CDK14: variants seen among roughly 807,000 people sequenced by gnomAD.
CDK14 encodes the protein cyclin-dependent kinase 14.
Under a neutral mutation model 60.7 loss-of-function variants are expected in CDK14, and 34 were observed. That is an observed-to-expected ratio of 0.56 (90% CI 0.43 to 0.75). The LOEUF is 0.75. CDK14 is among the 30% of genes least tolerant of loss of function. The pLI is 0.00. For synonymous variants in CDK14, 197 were observed against 203.7 expected, an observed-to-expected ratio of 0.97 and a Z score of 0.28; for missense variants, 482 against 564.1, an observed-to-expected ratio of 0.85 and a Z score of 1.47.
intron 14 of CDK14, among the ~76,000 whole-genome samples, chr7:91,205,851 C>T (rs577648138): frequency 3.0e-4 from 45 of 151,742 alleles, no homozygotes; most frequent in African/African-American, 4.4e-4. Context: ...GCTGGGGTGC[C>T]GTGGCACAAT....
At chr7:91,164,781 C>T (rs566007344) in intron 14 of CDK14, among the ~76,000 whole-genome samples, 1 of 152,206 alleles carries the variant, frequency 6.6e-6, no homozygotes, top group Non-Finnish European at 1.5e-5. Context: ...CCTGCCTGCT[C>T]TACACTGCCT....
At chr7:90,871,546 T>C (rs1234050060) in intron 6 of CDK14, among the ~76,000 whole-genome samples, 2 of 152,304 alleles carry the variant, frequency 1.3e-5, no homozygotes, top group Non-Finnish European at 1.5e-5. Context: ...GCTTAATTCT[T>C]AGAAGAATGC....
intron 2 of CDK14, among the ~76,000 whole-genome samples, chr7:90,617,786 C>A (rs1366333345): frequency 6.6e-6 from 1 of 152,014 alleles, no homozygotes; most frequent in East Asian, 1.9e-4. Context: ...AAACTTGATC[C>A]TTCGGGTAGT....
At chr7:90,943,339 T>C (rs1185154397) in intron 8 of CDK14, among the ~76,000 whole-genome samples, 1 of 152,142 alleles carries the variant, frequency 6.6e-6, no homozygotes, top group Non-Finnish European at 1.5e-5. Context: ...TTTGTATAGC[T>C]AGAGAGGTAA....
intron 14 of CDK14, among the ~76,000 whole-genome samples, chr7:91,167,336 A>G (rs1272165233): frequency 2.0e-5 from 3 of 152,224 alleles, no homozygotes; most frequent in Non-Finnish European, 2.9e-5. Flanking sequence ...GCCTTATTAT[A>G]TGACGTCTTT....
chr7:91,109,258 AT>A (rs1799406030), intron 12 of CDK14, among the ~76,000 whole-genome samples: 1 of 152,140 alleles, frequency 6.6e-6, no homozygotes, highest in African/African-American at 2.4e-5. Context: ...TTATTATACA[AT>A]CAGTGAAATG....
Position 91,176,548 on chromosome 7 carries a change from T to C in CDK14, c.*29-30617T>C, listed in dbSNP as rs1278944466. On this transcript the variant is annotated intron_variant, in intron 14 of 14. Coordinates refer to ENST00000380050, the MANE Select transcript of CDK14 (RefSeq NM_001287135.2). ...GGTTTTTTGAAAGGATCAACAAAAT[T>C]GATAGACTGCTAGCAAGACTAATAA... 5.9e-5 allele frequency among the ~76,000 whole-genome samples: 9 copies of C among 151,764 alleles called. No individual in the cohort carries two copies. In the East Asian group the frequency reaches 1.7e-3, roughly 29 times the overall value.
At chr7:91,066,919 C>T (rs529785404) in intron 11 of CDK14, among the ~76,000 whole-genome samples, 5 of 152,270 alleles carry the variant, frequency 3.3e-5, no homozygotes, top group Admixed American at 1.3e-4. Context: ...AATCAGCCTG[C>T]AGGTTCAAAT....
At chr7:91,111,567 T>C (rs181005527) in intron 12 of CDK14, among the ~76,000 whole-genome samples, 1 of 152,266 alleles carries the variant, frequency 6.6e-6, no homozygotes, top group East Asian at 1.9e-4. Context: ...TCTGGATGGA[T>C]TGGAATCTCC....
intron 3 of CDK14, among the ~76,000 whole-genome samples, chr7:90,731,040 G>A (rs912764021): frequency 6.6e-5 from 10 of 152,180 alleles, no homozygotes; most frequent in African/African-American, 1.7e-4. Flanking sequence ...TAAGGTGTAA[G>A]CAAGGGATCC....
chr7:90,756,950 T>C (rs969866724), intron 4 of CDK14, among the ~76,000 whole-genome samples: 1 of 152,184 alleles, frequency 6.6e-6, no homozygotes, highest in Non-Finnish European at 1.5e-5. Context: ...TACCATAAGC[T>C]TCATTGTATT....
intron 4 of CDK14, among the ~76,000 whole-genome samples, chr7:90,754,474 T>G (rs1448517158): frequency 6.6e-6 from 1 of 152,144 alleles, no homozygotes; most frequent in Non-Finnish European, 1.5e-5. Flanking sequence ...TATATAAAAA[T>G]TAACTCAAGA....
intron 14 of CDK14, among the ~76,000 whole-genome samples, chr7:91,206,186 A>C (rs373335235): frequency 6.6e-6 from 1 of 152,208 alleles, no homozygotes; most frequent in East Asian, 1.9e-4. Context: ...GATGTCCTTG[A>C]TGCCACAGCC....
intron 14 of CDK14, among the ~76,000 whole-genome samples, chr7:91,128,307 A>C (rs1430850501): frequency 1.3e-5 from 2 of 152,148 alleles, no homozygotes; most frequent in African/African-American, 4.8e-5. Context: ...TCCATTCTGT[A>C]TTCAGCATAA....
rs556964620 is a variant in CDK14 at position 91,078,735 on chromosome 7, G to A, written c.1106-697G>A. On this transcript the variant is annotated intron_variant, in intron 11 of 14. Transcript: ENST00000380050. ...CAAAAAATCAATGGTATATATGTTCGTACATAAGGATGGGTGTATTTCATA... is the reference window on the plus strand; with the variant it reads ...CAAAAAATCAATGGTATATATGTTCATACATAAGGATGGGTGTATTTCATA... Among the ~76,000 whole-genome samples, 14 of 152,232 alleles carry A rather than the reference G, an allele frequency of 9.2e-5. No homozygotes were observed. In the South Asian group the frequency reaches 2.7e-3, roughly 29 times the overall value.
In CDK14 at chr7:90,735,979, T is replaced by A. The variant is rs1200676563; in HGVS notation, c.369+9167T>A. 2.0e-5 allele frequency among the ~76,000 whole-genome samples: 3 copies of A among 152,180 alleles called. No individual in the cohort carries two copies. The East Asian group carries it at 5.8e-4, about 29-fold the overall frequency. On this transcript the variant is annotated intron_variant, in intron 3 of 14. Coordinates refer to ENST00000380050, the MANE Select transcript of CDK14 (RefSeq NM_001287135.2). ...CTAGGCACCGGCGGGAATCTCCTGG[T>A]CTTCCGGTTGCAAACACTGTGGTAA...
At chr7:90,985,061 G>A (rs1192156940) in intron 10 of CDK14, among the ~76,000 whole-genome samples, 1 of 152,166 alleles carries the variant, frequency 6.6e-6, no homozygotes, top group Non-Finnish European at 1.5e-5. Context: ...AGCTGTGTCA[G>A]TTGTACCATA....
chr7:90,795,643 T>A (rs1788390360), intron 5 of CDK14, among the ~76,000 whole-genome samples: 1 of 152,018 alleles, frequency 6.6e-6, no homozygotes, highest in Admixed American at 6.6e-5. Context: ...TAGGTTTTTG[T>A]TAAGCTGTGG....
chr7:90,759,693 A>G (rs913339601), intron 4 of CDK14, among the ~76,000 whole-genome samples: 3 of 152,202 alleles, frequency 2.0e-5, no homozygotes, highest in Admixed American at 6.5e-5. Flanking sequence ...TCCCTGGGGC[A>G]GGGTCCTCTC....
Sources: allele counts gnomAD v4.1 joint callset (sites outside exome capture counted in the v4.1 genomes callset), GRCh38; gene constraint gnomAD v4.1.1; transcripts MANE v1.5; gene names NCBI Gene and HGNC (gene_info 2026-07-23, HGNC 2026-07-21).